The following ROR2 variants were observed in gnomAD, a reference collection of about 807,000 sequenced individuals.
ROR2 encodes the protein ROR family WNT receptor 2.
A neutral mutation model predicts 74.9 loss-of-function variants in ROR2; 33 were observed. That is an observed-to-expected ratio of 0.44 (90% CI 0.33 to 0.59). ROR2 has a LOEUF of 0.59. Among genes scored for constraint, ROR2 ranks in the 20% least tolerant of loss-of-function variants. The pLI is 0.02. For missense variants in ROR2, 1,216 were observed against 1,313.8 expected (o/e 0.93, Z 1.15); for synonymous variants, 586 against 558.7 (o/e 1.05, Z -0.69).
Position 91,724,167 on chromosome 9 carries a change from C to G in ROR2, c.2327G>C (p.Ser776Thr). The G allele has an allele frequency of 6.2e-7, 1 of 1,612,366 alleles. No homozygotes were observed. The highest frequency in any genetic ancestry group is 8.5e-7 in the Non-Finnish European group (1 of 1,180,014). Residue 776 changes from serine to threonine, a missense_variant, in exon 9 of 9, where the codon AGC becomes ACC. Transcript: ENST00000375708. ...GGCGTTGCTCACATTGCTCACTGGG[C>G]TGGTGCTCAGGGAGCTGGTCTGCGT... ...NTTQTSSLST[S>T]PVSNVSNARY...
intron 2 of ROR2, among the ~76,000 whole-genome samples, chr9:91,766,415 T>C (rs1444035368): frequency 6.6e-5 from 10 of 152,220 alleles, no homozygotes; most frequent in Admixed American, 2.6e-4. Context: ...TCCACCTCCC[T>C]TGCACATTCA....
chr9:91,845,755 G>A (rs1230100800), intron 1 of ROR2, among the ~76,000 whole-genome samples: 3 of 151,660 alleles, frequency 2.0e-5, no homozygotes, highest in Admixed American at 1.3e-4. Flanking sequence ...GGTGGCAGGT[G>A]TCTATCATCC....
At chr9:91,764,687 T>G (rs1826010505) in intron 2 of ROR2, among the ~76,000 whole-genome samples, 1 of 152,148 alleles carries the variant, frequency 6.6e-6, no homozygotes, top group Non-Finnish European at 1.5e-5. Context: ...ATCTACCAAC[T>G]TCTTTCCTCA....
rs763008009 is a variant in ROR2, at chr9:91,725,045, C to G, written c.1449G>C (p.Arg483=). The part of the protein sequence containing the change: ...VRFMEELGED[R]FGKVYKGHLF... ...GGTGACCTTTGTAGACTTTCCCAAA[C>G]CGGTCCTCTCCCAGCTCCTCCATGA... The change falls in exon 9 of 9, where the codon CGG becomes CGC. Residue 483 remains arginine, a synonymous_variant. Transcript: ENST00000375708. The G allele has an allele frequency of 6.2e-7, 1 of 1,614,082 alleles. No individual in the cohort carries two copies. Among genetic ancestry groups the G allele is most frequent in the Middle Eastern group, 1.6e-4 (1 of 6,062 alleles).
At chr9:91,920,736 CAGAT>C (rs1222744065) in intron 1 of ROR2, among the ~76,000 whole-genome samples, 1 of 152,100 alleles carries the variant, frequency 6.6e-6, no homozygotes, top group Admixed American at 6.5e-5. Flanking sequence ...ATACACATGA[CAGAT>C]AGGTCAAGCA....
chr9:91,894,119 T>A (rs1438291884), intron 1 of ROR2, among the ~76,000 whole-genome samples: 1 of 152,064 alleles, frequency 6.6e-6, no homozygotes, highest in Non-Finnish European at 1.5e-5. Context: ...GCTCCCCAAC[T>A]CCAGCCCCGT....
chr9:91,843,593 A>C (rs1828844479), intron 1 of ROR2, among the ~76,000 whole-genome samples: 1 of 152,168 alleles, frequency 6.6e-6, no homozygotes, highest in Admixed American at 6.5e-5. Context: ...GTGACCCCCA[A>C]TCCCACTAGC....
At chr9:91,821,417 C>T (rs748187728) in intron 1 of ROR2, among the ~76,000 whole-genome samples, 37 of 152,234 alleles carry the variant, frequency 2.4e-4, no homozygotes, top group Non-Finnish European at 4.6e-4. Context: ...CATGGAACCA[C>T]CATTCTGCTG....
At chr9:91,795,470 C>T (rs974977535) in intron 1 of ROR2, among the ~76,000 whole-genome samples, 1 of 152,138 alleles carries the variant, frequency 6.6e-6, no homozygotes, top group Non-Finnish European at 1.5e-5. Context: ...TGAATTTTTT[C>T]TTTAAACTAA....
At chr9:91,737,048 G>A (rs936933429) in intron 5 of ROR2, among the ~76,000 whole-genome samples, 2 of 152,222 alleles carry the variant, frequency 1.3e-5, no homozygotes, top group African/African-American at 4.8e-5. Flanking sequence ...GGGGCGCTGA[G>A]GCTATCTGCG....
chr9:91,937,588 A>T (rs1475188559), intron 1 of ROR2, among the ~76,000 whole-genome samples: 1 of 152,200 alleles, frequency 6.6e-6, no homozygotes, highest in Non-Finnish European at 1.5e-5. Flanking sequence ...GAAGGGAAAG[A>T]GGCCCTCACT....
chr9:91,862,710 TCCA>T (rs560194299), intron 1 of ROR2, among the ~76,000 whole-genome samples: 11 of 152,216 alleles, frequency 7.2e-5, no homozygotes, highest in Non-Finnish European at 1.5e-4. Flanking sequence ...TTGCTCACCC[TCCA>T]CCATGTGAGG....
At chr9:91,780,009 C>T (rs1421338560) in intron 1 of ROR2, among the ~76,000 whole-genome samples, 3 of 152,192 alleles carry the variant, frequency 2.0e-5, no homozygotes, top group African/African-American at 7.2e-5. Context: ...TGAAAGGGTT[C>T]ACTGTTGATA....
intron 2 of ROR2, 76 bp downstream of exon 2, chr9:91,775,665 G>A (rs925569416): frequency 7.0e-7 from 1 of 1,423,898 alleles, no homozygotes; most frequent in Non-Finnish European, 9.9e-7. Flanking sequence ...CCTTCCTTCA[G>A]GCAATGGCAG....
intron 1 of ROR2, among the ~76,000 whole-genome samples, chr9:91,808,847 T>A (rs1563974374): frequency 6.7e-6 from 1 of 149,950 alleles, no homozygotes. Flanking sequence ...ACTAAAAATA[T>A]AAAAAATTAG....
intron 1 of ROR2, chr9:91,948,904 C>G: frequency 1.0e-6 from 1 of 985,312 alleles, no homozygotes; most frequent in Non-Finnish European, 1.2e-6. Flanking sequence ...GGAGGTGCTC[C>G]CGGAGTCTGC....
chr9:91,880,927 G>C (rs1830089676), intron 1 of ROR2, among the ~76,000 whole-genome samples: 1 of 152,236 alleles, frequency 6.6e-6, no homozygotes, highest in South Asian at 2.1e-4. Flanking sequence ...ATTGGGGTCT[G>C]ATGGTGGTCA....
chr9:91,791,742 C>T (rs781113710), intron 1 of ROR2, among the ~76,000 whole-genome samples: 4 of 150,712 alleles, frequency 2.7e-5, no homozygotes, highest in South Asian at 2.1e-4. Context: ...AGATACAACA[C>T]GAACAGAACA....
intron 1 of ROR2, among the ~76,000 whole-genome samples, chr9:91,844,334 C>T (rs1187415825): frequency 6.6e-6 from 1 of 152,110 alleles, no homozygotes; most frequent in African/African-American, 2.4e-5. Flanking sequence ...GGCCGGCACA[C>T]AAGATGGGCT....
Sources: gnomAD v4.1 joint callset for allele counts (sites outside exome capture counted in the v4.1 genomes callset) on GRCh38, gnomAD v4.1.1 for gene constraint, MANE v1.5 for transcripts, NCBI Gene and HGNC (gene_info 2026-07-23, HGNC 2026-07-21) for gene names.